CHL1: variants seen among roughly 807,000 people sequenced by gnomAD.
The protein encoded by CHL1 is cell adhesion molecule L1 like.
A neutral mutation model predicts 141.9 loss-of-function variants in CHL1; 96 were observed. That is an observed-to-expected ratio of 0.68 (90% CI 0.57 to 0.80). The LOEUF (loss-of-function observed/expected upper bound fraction) is 0.80, where lower values mean the gene tolerates loss of function less well. Ranked by LOEUF, CHL1 falls within the 30% of genes least tolerant of loss-of-function variation. The pLI is 0.00. For synonymous variants in CHL1, 613 were observed against 502.2 expected (o/e 1.22, Z -2.95); for missense variants, 1,820 against 1,457.2 (o/e 1.25, Z -4.05).
At chr3:237,678 C>G (rs189816043) in intron 1 of CHL1, among the ~76,000 whole-genome samples, 1 of 152,018 alleles carries the variant, frequency 6.6e-6, no homozygotes. Flanking sequence ...TAATTGAATT[C>G]GTTTAATCTT....
At chr3:230,461 T>G (rs148919632) in intron 1 of CHL1, among the ~76,000 whole-genome samples, 58 of 152,300 alleles carry the variant, frequency 3.8e-4, no homozygotes, top group African/African-American at 1.3e-3. Flanking sequence ...TGTTTTGTGT[T>G]TTGTGCCTTT....
chr3:369,587 A>AT (rs1419561431), intron 15 of CHL1, among the ~76,000 whole-genome samples: 1 of 152,108 alleles, frequency 6.6e-6, no homozygotes, highest in East Asian at 1.9e-4. Flanking sequence ...AATACCCTTT[A>AT]TTTTTTTCTT....
chr3:346,066 C>T (rs556160999), intron 9 of CHL1, among the ~76,000 whole-genome samples: 1 of 152,114 alleles, frequency 6.6e-6, no homozygotes, highest in African/African-American at 2.4e-5. Flanking sequence ...TTTGGGGACT[C>T]TAGTTAGTGG....
intron 2 of CHL1, among the ~76,000 whole-genome samples, chr3:302,491 G>C (rs1413713775): frequency 6.6e-6 from 1 of 152,196 alleles, no homozygotes; most frequent in Non-Finnish European, 1.5e-5. Flanking sequence ...TTTCTCTAAT[G>C]ACCAGTGATG....
At chr3:236,050 CCTCAGCATT>C (rs1284751714) in intron 1 of CHL1, among the ~76,000 whole-genome samples, 8 of 152,106 alleles carry the variant, frequency 5.3e-5, no homozygotes, top group African/African-American at 1.9e-4. Flanking sequence ...TGTTTGGCTG[CCTCAGCATT>C]CATGGTGGGA....
Position 394,886 on chromosome 3 carries a change from G to C in CHL1, c.3094+14G>C. The C allele has an allele frequency of 6.3e-7, 1 of 1,577,490 alleles. No individual in the cohort carries two copies. Among genetic ancestry groups the C allele is most frequent in the African/African-American group, 1.4e-5 (1 of 72,686 alleles). On this transcript the variant is annotated intron_variant, in intron 24 of 27. Coordinates refer to ENST00000256509, the MANE Select transcript of CHL1 (RefSeq NM_006614.4). ...TAGGAGAAGGGAGTAAGTACATGAG[G>C]CTTCTCTTTTTAATAGAGGCTTTAA... is the stretch of plus-strand genomic sequence containing the variant.
rs1709673476 is a variant in CHL1 at position 408,589 on chromosome 3, A to G, written c.*2878A>G. The G allele has an allele frequency of 6.6e-6, 1 of 152,134 alleles. No individual in the cohort carries two copies. Among genetic ancestry groups the G allele is most frequent in the Admixed American group, 6.6e-5 (1 of 15,244 alleles). 9.4% of individuals were successfully genotyped at this position (152,134 alleles called of 1,614,324 possible). A position where few individuals can be genotyped will look rare whatever the true frequency, so the allele number is the denominator to read the frequency against. On this transcript the variant is annotated 3_prime_UTR_variant, in exon 28 of 28. Transcript: ENST00000256509. ...TTCATAAGCAAACCTTTAACTAATT[A>G]TGTATCTGAAAGTCACCCCCACATA...
chr3:333,083 C>G (rs934142002), intron 5 of CHL1, among the ~76,000 whole-genome samples: 4 of 139,616 alleles, frequency 2.9e-5, no homozygotes, highest in Non-Finnish European at 4.6e-5. Context: ...GTATTAAGAG[C>G]TGGGAGTTGG....
intron 2 of CHL1, among the ~76,000 whole-genome samples, chr3:292,966 G>GT (rs1559210657): frequency 6.6e-6 from 1 of 152,192 alleles, no homozygotes; most frequent in East Asian, 1.9e-4. Flanking sequence ...TATCCAAGCT[G>GT]TATCACCAAG....
intron 1 of CHL1, among the ~76,000 whole-genome samples, chr3:235,001 A>ATTATTG (rs1054496440): frequency 6.6e-6 from 1 of 150,536 alleles, no homozygotes; most frequent in African/African-American, 2.4e-5. Flanking sequence ...TACTATTATT[A>ATTATTG]TTATTATTAT....
chr3:364,218 GTC>G (rs1483862456), intron 14 of CHL1, among the ~76,000 whole-genome samples: 1 of 150,566 alleles, frequency 6.6e-6, no homozygotes, highest in African/African-American at 2.4e-5. Context: ...TATAGCATTT[GTC>G]TCTTTCTGTG....
At chr3:291,351 T>A (rs1023720712) in intron 2 of CHL1, among the ~76,000 whole-genome samples, 2 of 152,138 alleles carry the variant, frequency 1.3e-5, no homozygotes, top group Non-Finnish European at 2.9e-5. Flanking sequence ...GGTCTTTTCA[T>A]CATTGTAGTC....
At chr3:220,093 G>C (rs1445432663) in intron 1 of CHL1, among the ~76,000 whole-genome samples, 1 of 152,134 alleles carries the variant, frequency 6.6e-6, no homozygotes. Flanking sequence ...TCATTTATAC[G>C]ATATTTTGGA....
At chr3:383,675 T>C in intron 18 of CHL1, 141 bp from the exon 19 acceptor site, 1 of 515,502 alleles carries the variant, frequency 1.9e-6, no homozygotes, top group Non-Finnish European at 3.5e-6. Flanking sequence ...TTAAATCTTT[T>C]TAGGAACTGG....
At chr3:225,026 C>A (rs1327896892) in intron 1 of CHL1, among the ~76,000 whole-genome samples, 1 of 152,080 alleles carries the variant, frequency 6.6e-6, no homozygotes, top group African/African-American at 2.4e-5. Context: ...ATCCCAGCTA[C>A]TCAGGAGGCC....
intron 1 of CHL1, among the ~76,000 whole-genome samples, chr3:241,863 T>C (rs1414307443): frequency 1.8e-5 from 2 of 112,416 alleles, no homozygotes; most frequent in East Asian, 2.7e-4. Context: ...TTTTCACTAA[T>C]AACAGAGAAT....
At chr3:248,376 T>C (rs370352202) in intron 2 of CHL1, 3 of 152,140 alleles carry the variant, frequency 2.0e-5, no homozygotes, top group East Asian at 1.9e-4. Flanking sequence ...GATTATAGAA[T>C]GAGCACTATA....
intron 2 of CHL1, among the ~76,000 whole-genome samples, chr3:245,580 C>T (rs1038562681): frequency 6.6e-6 from 1 of 151,982 alleles, no homozygotes; most frequent in African/African-American, 2.4e-5. Flanking sequence ...CTTACTTTCT[C>T]AGGAGCACAT....
chr3:331,574 A>C (rs1701441758), intron 5 of CHL1, among the ~76,000 whole-genome samples: 1 of 152,066 alleles, frequency 6.6e-6, no homozygotes, highest in African/African-American at 2.4e-5. Flanking sequence ...TTAAAGCCTC[A>C]TGAAGGAAAT....
Sources: allele counts gnomAD v4.1 joint callset (sites outside exome capture counted in the v4.1 genomes callset), GRCh38; gene constraint gnomAD v4.1.1; transcripts MANE v1.5; gene names NCBI Gene and HGNC (gene_info 2026-07-23, HGNC 2026-07-21).